The following DNAH9 variants were observed in gnomAD, a reference collection of about 807,000 sequenced individuals.
The protein encoded by DNAH9 is dynein axonemal heavy chain 9.
Under a neutral mutation model 471.6 loss-of-function variants are expected in DNAH9, and 345 were observed. That is an observed-to-expected ratio of 0.73 (90% CI 0.67 to 0.80). The LOEUF (loss-of-function observed/expected upper bound fraction) is 0.80. Ranked by LOEUF, DNAH9 falls within the 30% of genes least tolerant of loss-of-function variation. DNAH9 has a pLI of 0.00. For missense variants in DNAH9, 5,407 were observed against 5,609.2 expected (o/e 0.96, Z 1.15); for synonymous variants, 2,093 against 2,123.6 (o/e 0.99, Z 0.40).
chr17:11,664,673 G>GT (rs2073835295), intron 14 of DNAH9, among the ~76,000 whole-genome samples, 160 bp from the exon 15 acceptor site: 1 of 152,166 alleles, frequency 6.6e-6, no homozygotes, highest in Non-Finnish European at 1.5e-5. Flanking sequence ...TCAGTCAATG[G>GT]TAATACTCAT....
intron 67 of DNAH9, among the ~76,000 whole-genome samples, chr17:11,945,965 G>A (rs562448767): frequency 3.0e-4 from 45 of 152,012 alleles, no homozygotes; most frequent in Admixed American, 1.6e-3. Flanking sequence ...TTGGGAGGCC[G>A]AGGTGGGCGG....
rs567755316 is a variant in DNAH9 at position 11,783,576 on chromosome 17, G to A, written c.7719-70G>A. On this transcript the variant is annotated intron_variant, in intron 39 of 68. Transcript: ENST00000262442. ...CATGAACAGTAGGGCACATCCTACC[G>A]CACCTTGACAAAGCACTCACCTGCC... 6.8e-5 allele frequency: 80 copies of A among 1,171,646 alleles called. No homozygotes were observed. In the Admixed American group the frequency reaches 7.3e-4, roughly 11 times the overall value. The allele number at this position is 1,171,646 out of a possible 1,614,324, so 72.6% of individuals were successfully genotyped here.
At position 11,871,610 on chromosome 17, in the gene DNAH9, G is replaced by T. The variant is rs1304146852; in HGVS notation, c.10066G>T (p.Ala3356Ser). The T allele has an allele frequency of 6.2e-7, 1 of 1,613,596 alleles. No individual in the cohort carries two copies. Reference protein sequence around the residue: ...SLANRLVGGLASENVRWADAV... With the variant: ...SLANRLVGGLSSENVRWADAV... ...TTTGAAATGGTAGGTTGGAGGACTCGCTTCTGAAAACGTGAGGTGGGCAGA... is the reference window on the plus strand; with the variant it reads ...TTTGAAATGGTAGGTTGGAGGACTCTCTTCTGAAAACGTGAGGTGGGCAGA... Residue 3356 changes from alanine to serine, a missense_variant, in exon 52 of 69, where the codon GCT (alanine) becomes TCT (serine). Coordinates refer to ENST00000262442, the MANE Select transcript of DNAH9 (RefSeq NM_001372.4).
Position 11,760,814 on chromosome 17 carries a change from G to A in DNAH9, c.6996-2626G>A, listed in dbSNP as rs959421427. 6.6e-5 allele frequency among the ~76,000 whole-genome samples: 10 copies of A among 152,202 alleles called. No homozygotes were observed. The East Asian group carries it at 7.7e-4, about 12-fold the overall frequency. ...ATTACAGGCGTGAGCCGCCGCGCCC[G>A]GCGGATGTCTTTTCACTCTCACAGC... On this transcript the variant is annotated intron_variant, in intron 35 of 68. Coordinates refer to ENST00000262442, the MANE Select transcript of DNAH9 (RefSeq NM_001372.4).
intron 45 of DNAH9, among the ~76,000 whole-genome samples, chr17:11,813,796 A>G (rs1407173699): frequency 3.3e-5 from 5 of 152,234 alleles, no homozygotes; most frequent in African/African-American, 1.2e-4. Flanking sequence ...CACGAACTAC[A>G]GCATTTCAGA....
intron 59 of DNAH9, among the ~76,000 whole-genome samples, chr17:11,900,244 G>A (rs985337289): frequency 6.6e-6 from 1 of 152,062 alleles, no homozygotes; most frequent in East Asian, 1.9e-4. Context: ...CACCATTGAA[G>A]GATGATTCCC....
intron 62 of DNAH9, 24 bp from the exon 63 acceptor site, chr17:11,929,842 G>C (rs200049212): frequency 8.1e-6 from 13 of 1,598,262 alleles, no homozygotes; most frequent in African/African-American, 6.7e-5. Context: ...CTGTATTGAG[G>C]GGGGGCTCCT....
chr17:11,723,534 G>C (rs1435615429), intron 27 of DNAH9: 7 of 152,042 alleles, frequency 4.6e-5, no homozygotes, highest in Admixed American at 6.5e-5. Context: ...CCTGGGGTGG[G>C]GGGGAGAAAC....
intron 68 of DNAH9, among the ~76,000 whole-genome samples, chr17:11,963,680 CTAAAAG>C (rs997190421): frequency 6.6e-6 from 1 of 151,582 alleles, no homozygotes; most frequent in African/African-American, 2.4e-5. Context: ...AAAAAAGAAA[CTAAAAG>C]GAAAAGAGAT....
chr17:11,650,035 A>G (rs1021852404), intron 12 of DNAH9, among the ~76,000 whole-genome samples: 4 of 152,162 alleles, frequency 2.6e-5, no homozygotes, highest in Non-Finnish European at 5.9e-5. Flanking sequence ...CTTCCCTATT[A>G]TATTAATAGC....
intron 5 of DNAH9, 148 bp downstream of exon 5, chr17:11,617,770 C>A: frequency 1.6e-6 from 1 of 627,532 alleles, no homozygotes; most frequent in Non-Finnish European, 2.8e-6. Context: ...GTATTTTACT[C>A]TCAGAAGCCA....
At chr17:11,860,634 T>C (rs531470947) in intron 50 of DNAH9, among the ~76,000 whole-genome samples, 2 of 152,262 alleles carry the variant, frequency 1.3e-5, no homozygotes, top group South Asian at 4.1e-4. Context: ...CAATCTCTGC[T>C]CACTGCAACC....
intron 61 of DNAH9, among the ~76,000 whole-genome samples, chr17:11,915,734 T>C (rs1973931071): frequency 6.6e-6 from 1 of 152,222 alleles, no homozygotes; most frequent in Admixed American, 6.5e-5. Flanking sequence ...AACCATCCAA[T>C]GCCTACTCAT....
intron 17 of DNAH9, among the ~76,000 whole-genome samples, chr17:11,676,260 CTTTTCATT>C (rs1316394339): frequency 7.0e-6 from 1 of 143,086 alleles, no homozygotes; most frequent in African/African-American, 2.6e-5. Flanking sequence ...GTGTCTCCCT[CTTTTCATT>C]TCTGTTCTTT....
chr17:11,818,450 AAAG>A (rs1378512809), intron 45 of DNAH9, among the ~76,000 whole-genome samples: 1 of 152,004 alleles, frequency 6.6e-6, no homozygotes, highest in Non-Finnish European at 1.5e-5. Context: ...AAAGAAGAGA[AAAG>A]AAAGTGGGAT....
intron 61 of DNAH9, among the ~76,000 whole-genome samples, chr17:11,908,803 TTGATG>T (rs1973691186): frequency 6.6e-6 from 1 of 152,194 alleles, no homozygotes; most frequent in South Asian, 2.1e-4. Flanking sequence ...GGAAGAGTCT[TTGATG>T]TGGGCAGAGC....
At chr17:11,949,580 C>T (rs1975285041) in intron 67 of DNAH9, among the ~76,000 whole-genome samples, 1 of 151,910 alleles carries the variant, frequency 6.6e-6, no homozygotes, top group Non-Finnish European at 1.5e-5. Context: ...TTCCCAGGTT[C>T]AAGCAATTCT....
chr17:11,960,466 A>C (rs1976028500), intron 67 of DNAH9, among the ~76,000 whole-genome samples: 1 of 138,596 alleles, frequency 7.2e-6, no homozygotes, highest in African/African-American at 2.8e-5. Context: ...AAAAAAATCC[A>C]AAAGTGGCTG....
At chr17:11,839,465 G>A (rs1007546822) in intron 49 of DNAH9, among the ~76,000 whole-genome samples, 6 of 151,432 alleles carry the variant, frequency 4.0e-5, no homozygotes, top group Non-Finnish European at 7.4e-5. Flanking sequence ...GCAGTGAGCC[G>A]AGATCGCGCC....
Sources: allele counts gnomAD v4.1 joint callset (sites outside exome capture counted in the v4.1 genomes callset), GRCh38; gene constraint gnomAD v4.1.1; transcripts MANE v1.5; gene names NCBI Gene and HGNC (gene_info 2026-07-23, HGNC 2026-07-21).